USP34: variants seen among roughly 807,000 people sequenced by gnomAD.
USP34 encodes ubiquitin carboxyl-terminal hydrolase 34.
USP34 carries 70 observed loss-of-function variants against 460.3 expected under a neutral mutation model. The ratio of observed to expected loss-of-function variants is 0.15; its 90% CI spans 0.13 to 0.19. The LOEUF (loss-of-function observed/expected upper bound fraction) is 0.19, where lower values mean the gene tolerates loss of function less well. Among genes scored for constraint, USP34 ranks in the 10% least tolerant of loss-of-function variants. The pLI, the probability that USP34 is intolerant of heterozygous loss-of-function variation, is 1.00. For missense variants in USP34, 3,985 were observed against 4,236.2 expected (o/e 0.94, Z 1.65); for synonymous variants, 1,647 against 1,405.3 (o/e 1.17, Z -3.85).
rs1693098634 is a variant in USP34 at position 61,385,181 on chromosome 2, C to T, written c.754-1845G>A. On this transcript the variant is annotated intron_variant, in intron 5 of 79. Coordinates refer to ENST00000398571, the MANE Select transcript of USP34 (RefSeq NM_014709.4). ...TATCATGTGTCTAGGAGTAATCTAA[C>T]AAGATACACACCTCTACATAAAAAG... is the stretch of plus-strand genomic sequence containing the variant. Among the ~76,000 whole-genome samples the T allele has an allele frequency of 2.6e-5, 4 of 152,144 alleles. No homozygotes were observed. The South Asian group carries it at 8.3e-4, about 32-fold the overall frequency.
rs558264334 is a variant in USP34 at position 61,197,792 on chromosome 2, C to G, written c.9509-4812G>C. ...TTTTGGTGGGGGGAACAGAGTCTCA[C>G]TCTGTTGCTCAGGCTGGAGTGCAGT... On this transcript the variant is annotated intron_variant, in intron 75 of 79. Transcript: ENST00000398571. Among the ~76,000 whole-genome samples the G allele has an allele frequency of 1.0e-3, 155 of 152,236 alleles. 2 individuals are homozygous for G. The South Asian group carries it at 0.031, about 31-fold the overall frequency.
At chr2:61,400,750 C>G (rs913152357) in intron 3 of USP34, among the ~76,000 whole-genome samples, 2 of 152,052 alleles carry the variant, frequency 1.3e-5, no homozygotes, top group Admixed American at 1.3e-4. Flanking sequence ...ACTTAGGACA[C>G]TGAAGGTGAA....
At chr2:61,386,300 A>G (rs1388773059) in intron 5 of USP34, among the ~76,000 whole-genome samples, 4 of 152,182 alleles carry the variant, frequency 2.6e-5, no homozygotes, top group Non-Finnish European at 2.9e-5. Context: ...AAGTAGAACT[A>G]CAGAACAAAG....
intron 2 of USP34, among the ~76,000 whole-genome samples, chr2:61,411,317 G>C (rs1351443864): frequency 6.6e-6 from 1 of 151,182 alleles, no homozygotes; most frequent in Non-Finnish European, 1.5e-5. Context: ...AGGAGGTCAA[G>C]GTTGCAGTGA....
chr2:61,413,715 C>T (rs1327662816), intron 2 of USP34, among the ~76,000 whole-genome samples: 21 of 143,864 alleles, frequency 1.5e-4, no homozygotes, highest in Middle Eastern at 4.0e-3. Flanking sequence ...GAGTGGCTCA[C>T]GCCTGTAATC....
chr2:61,445,947 C>CAA (rs796603713), intron 1 of USP34, among the ~76,000 whole-genome samples: 6 of 135,808 alleles, frequency 4.4e-5, no homozygotes, highest in African/African-American at 1.6e-4. Context: ...GACTCTGTTT[C>CAA]AAAAAAAAAA....
rs1370469801 is a variant in USP34, at chr2:61,405,901, T to G, written c.359A>C (p.Lys120Thr). Residue 120 changes from lysine (K) to threonine (T), a missense_variant, in exon 3 of 80, where the codon AAA becomes ACA. By Grantham distance (78) the Lys-to-Thr change is moderately conservative. Coordinates refer to ENST00000398571, the MANE Select transcript of USP34 (RefSeq NM_014709.4). ...ECNEGSTERQKSIEKKSNSTR... is the reference protein window; with the variant it reads ...ECNEGSTERQTSIEKKSNSTR... ...AGAGTTTGATTTTTTTTCTATTGAT[T>G]TTTGTCTTTCTGTACTTCCTTCATT... The G allele has an allele frequency of 3.1e-6, 5 of 1,613,782 alleles. No homozygotes were observed. The highest frequency in any genetic ancestry group is 4.2e-6 in the Non-Finnish European group (5 of 1,179,950).
intron 1 of USP34, among the ~76,000 whole-genome samples, chr2:61,444,220 C>A (rs1695047157): frequency 6.6e-6 from 1 of 152,108 alleles, no homozygotes; most frequent in Non-Finnish European, 1.5e-5. Flanking sequence ...GCACTCCAGC[C>A]TGGGTGACAG....
At chr2:61,268,918 CT>C (rs1419471364) in intron 41 of USP34, among the ~76,000 whole-genome samples, 11 of 152,186 alleles carry the variant, frequency 7.2e-5, no homozygotes, top group Middle Eastern at 3.4e-3. Flanking sequence ...TATATTTATG[CT>C]CCTTCAATTG....
chr2:61,189,147 G>GT, intron 78 of USP34, 78 bp from the exon 79 acceptor site: 1 of 1,431,640 alleles, frequency 7.0e-7, no homozygotes, highest in East Asian at 2.3e-5. Context: ...AATTGCAGAT[G>GT]TTTATTTTCC....
chr2:61,417,152 T>C, intron 2 of USP34: 9 of 1,577,496 alleles, frequency 5.7e-6, no homozygotes, highest in East Asian at 2.2e-5. Context: ...CTGGCCACAG[T>C]GCCCTGGGGC....
At chr2:61,469,277 C>T (rs2104130521) in intron 1 of USP34, among the ~76,000 whole-genome samples, 1 of 152,182 alleles carries the variant, frequency 6.6e-6, no homozygotes, top group East Asian at 1.9e-4. Flanking sequence ...CATTGCAAAA[C>T]GATTAACTTT....
rs192051089 is a variant in USP34, at chr2:61,306,857, C to A, written c.3817+4683G>T. Among the ~76,000 whole-genome samples, 600 of 152,208 alleles carry A rather than the reference C, an allele frequency of 3.9e-3. 1 individual carries two copies. Among genetic ancestry groups the A allele is most frequent in the African/African-American group, 0.012 (503 of 41,530 alleles). ...TGTGGAGAAATAGGAACACTATTACCCAGTTGGTGGGACTGTAAACTAGTT... is the reference window on the plus strand; with the variant it reads ...TGTGGAGAAATAGGAACACTATTACACAGTTGGTGGGACTGTAAACTAGTT... On this transcript the variant is annotated intron_variant, in intron 27 of 79. Transcript: ENST00000398571.
chr2:61,428,949 G>C (rs1446029162), intron 1 of USP34, among the ~76,000 whole-genome samples: 2 of 151,884 alleles, frequency 1.3e-5, no homozygotes, highest in Admixed American at 6.6e-5. Flanking sequence ...AAAACACAAA[G>C]AGCAAAACAA....
At chr2:61,344,533 G>A (rs1005816579) in intron 15 of USP34, among the ~76,000 whole-genome samples, 4 of 152,058 alleles carry the variant, frequency 2.6e-5, no homozygotes, top group African/African-American at 4.8e-5. Flanking sequence ...TTAAAAAATC[G>A]AAAAATAACA....
intron 5 of USP34, 60 bp downstream of exon 5, chr2:61,394,793 A>G (rs1265255381): frequency 4.6e-6 from 6 of 1,301,066 alleles, no homozygotes; most frequent in Non-Finnish European, 6.0e-6. Flanking sequence ...CATAAAATTC[A>G]TGTTACTGAT....
At chr2:61,461,439 G>C in intron 1 of USP34, among the ~76,000 whole-genome samples, 1 of 148,388 alleles carries the variant, frequency 6.7e-6, no homozygotes, top group East Asian at 2.0e-4. Context: ...CTGAAATACA[G>C]AAAAAAAAAC....
chr2:61,228,578 C>T (rs987638676), intron 61 of USP34, 67 bp downstream of exon 61: 3 of 1,464,780 alleles, frequency 2.0e-6, no homozygotes, highest in Admixed American at 2.0e-5. Flanking sequence ...CATCTCAGGA[C>T]TTCGCACGAT....
intron 27 of USP34, among the ~76,000 whole-genome samples, chr2:61,302,486 T>C (rs1173704428): frequency 6.6e-6 from 1 of 152,234 alleles, no homozygotes; most frequent in Admixed American, 6.5e-5. Flanking sequence ...CTATGATTCT[T>C]TCCCTTTCTC....
Sources: gnomAD v4.1 joint callset for allele counts (sites outside exome capture counted in the v4.1 genomes callset) on GRCh38, gnomAD v4.1.1 for gene constraint, MANE v1.5 for transcripts, NCBI Gene and HGNC (gene_info 2026-07-23, HGNC 2026-07-21) for gene names.